The following FTO variants were observed in gnomAD, a reference collection of about 807,000 sequenced individuals.
FTO encodes the protein alpha-ketoglutarate-dependent dioxygenase FTO.
In FTO, 47 loss-of-function variants were observed where a neutral mutation model predicts 63.9. The ratio of observed to expected loss-of-function variants is 0.74; its 90% CI spans 0.58 to 0.94. FTO has a LOEUF of 0.94. FTO is among the 40% of genes least tolerant of loss of function. The pLI is 0.00. For missense variants in FTO, 562 were observed against 618.1 expected (o/e 0.91, Z 0.96); for synonymous variants, 207 against 224.4 (o/e 0.92, Z 0.69).
At chr16:53,716,026 G>A (rs925861181) in intron 1 of FTO, among the ~76,000 whole-genome samples, 28 of 152,304 alleles carry the variant, frequency 1.8e-4, no homozygotes, top group African/African-American at 6.5e-4. Flanking sequence ...TAATAATGCA[G>A]TATAGTAAAT....
chr16:53,854,102 T>C (rs902052324), intron 4 of FTO, among the ~76,000 whole-genome samples: 2 of 152,232 alleles, frequency 1.3e-5, no homozygotes, highest in African/African-American at 4.8e-5. Flanking sequence ...ATATGTTTAT[T>C]GGCCATTTGT....
rs1173135505 is a variant in FTO, at chr16:54,121,800, A to T, written c.*9885A>T. On this transcript the variant is annotated 3_prime_UTR_variant, in exon 9 of 9. Coordinates refer to ENST00000471389, the MANE Select transcript of FTO (RefSeq NM_001080432.3). Reference sequence around the variant, plus strand: ...GCTGACTAAAGGGTGTCCTATTTATAAGTCAGTAAAACACAGCGGCTTCAT... The same window carrying T: ...GCTGACTAAAGGGTGTCCTATTTATTAGTCAGTAAAACACAGCGGCTTCAT... The T allele has an allele frequency of 6.6e-6, 1 of 151,966 alleles. No individual in the cohort carries two copies. Among genetic ancestry groups the T allele is most frequent in the Non-Finnish European group, 1.5e-5 (1 of 67,926 alleles). 9.4% of individuals were successfully genotyped at this position (151,966 alleles called of 1,614,324 possible). A position where few individuals can be genotyped will look rare whatever the true frequency, so the allele number is the denominator to read the frequency against.
chr16:53,865,888 T>C (rs2151862750), intron 4 of FTO, among the ~76,000 whole-genome samples: 1 of 152,332 alleles, frequency 6.6e-6, no homozygotes, highest in South Asian at 2.1e-4. Flanking sequence ...ATACCTTTTG[T>C]TTTCTTTTCC....
chr16:53,719,105 A>G (rs1419984274), intron 1 of FTO, among the ~76,000 whole-genome samples: 1 of 152,064 alleles, frequency 6.6e-6, no homozygotes, highest in East Asian at 1.9e-4. Context: ...TCTTTTGTCA[A>G]ATTTGGTATC....
chr16:53,828,160 A>C (rs1482750234), intron 3 of FTO, among the ~76,000 whole-genome samples: 1 of 152,246 alleles, frequency 6.6e-6, no homozygotes, highest in East Asian at 1.9e-4. Flanking sequence ...TTGGTACTTA[A>C]AGAGGGAACT....
intron 7 of FTO, among the ~76,000 whole-genome samples, chr16:53,908,268 A>C (rs779232163): frequency 6.6e-6 from 1 of 152,222 alleles, no homozygotes; most frequent in Non-Finnish European, 1.5e-5. Context: ...AAAATGTCCA[A>C]CCATTGCATG....
intron 8 of FTO, among the ~76,000 whole-genome samples, chr16:53,957,806 G>A (rs1227754438): frequency 1.3e-5 from 2 of 152,208 alleles, no homozygotes; most frequent in Admixed American, 6.5e-5. Flanking sequence ...ATTCATTGGA[G>A]TTGAATGTAA....
chr16:53,917,740 G>GTCCATC (rs1306078343), intron 7 of FTO, among the ~76,000 whole-genome samples: 1,748 of 147,984 alleles, frequency 0.012, 18 homozygotes, highest in South Asian at 0.029. Flanking sequence ...GTGTGTGTGT[G>GTCCATC]TGTCCATCTG....
At chr16:53,833,887 T>A (rs1289004199) in intron 3 of FTO, among the ~76,000 whole-genome samples, 1 of 152,252 alleles carries the variant, frequency 6.6e-6, no homozygotes, top group African/African-American at 2.4e-5. Flanking sequence ...TGGAGACATG[T>A]CTATTCAAGT....
At chr16:53,971,627 C>T (rs1240367849) in intron 8 of FTO, among the ~76,000 whole-genome samples, 6 of 152,226 alleles carry the variant, frequency 3.9e-5, no homozygotes. Flanking sequence ...CTCTTTATAA[C>T]AATTGATAAA....
chr16:53,914,679 G>T (rs920533528), intron 7 of FTO, among the ~76,000 whole-genome samples: 1 of 152,112 alleles, frequency 6.6e-6, no homozygotes, highest in South Asian at 2.1e-4. Flanking sequence ...GTGGAAGGAC[G>T]GCCATGGCGA....
chr16:54,074,955 TAAACTGTTTTA>T (rs2085959298), intron 8 of FTO, among the ~76,000 whole-genome samples: 1 of 149,626 alleles, frequency 6.7e-6, no homozygotes, highest in Non-Finnish European at 1.5e-5. Context: ...TGTGTGTGTG[TAAACTGTTTTA>T]GTTTGATAGT....
intron 6 of FTO, among the ~76,000 whole-genome samples, chr16:53,886,032 G>A (rs1398199189): frequency 6.6e-6 from 1 of 152,190 alleles, no homozygotes; most frequent in Non-Finnish European, 1.5e-5. Context: ...TGGGATTATA[G>A]GTCAGAGCCC....
At chr16:53,738,785 G>A (rs1222561590) in intron 1 of FTO, among the ~76,000 whole-genome samples, 2 of 152,164 alleles carry the variant, frequency 1.3e-5, no homozygotes, top group East Asian at 1.9e-4. Flanking sequence ...CCCACTGGCA[G>A]TGTATTAGAG....
intron 1 of FTO, among the ~76,000 whole-genome samples, chr16:53,780,099 A>T (rs534336748): frequency 6.6e-6 from 1 of 152,160 alleles, no homozygotes; most frequent in Non-Finnish European, 1.5e-5. Context: ...CAGTGACTTA[A>T]TGACAAACAG....
chr16:53,909,360 G>A (rs2081622056), intron 7 of FTO, among the ~76,000 whole-genome samples: 1 of 152,108 alleles, frequency 6.6e-6, no homozygotes. Context: ...AGTGGCAAAT[G>A]AGGGGGTAGA....
chr16:53,875,370 G>T (rs1274638814), intron 5 of FTO, among the ~76,000 whole-genome samples: 2 of 152,198 alleles, frequency 1.3e-5, no homozygotes, highest in African/African-American at 4.8e-5. Flanking sequence ...AAAAGCTTGG[G>T]AAATATGTTC....
At chr16:53,880,385 C>T (rs2080789745) in intron 6 of FTO, among the ~76,000 whole-genome samples, 2 of 152,164 alleles carry the variant, frequency 1.3e-5, no homozygotes, top group South Asian at 4.1e-4. Flanking sequence ...TGTTATAAGA[C>T]GTGAGACTCT....
chr16:53,789,203 A>G (rs1264556848), intron 1 of FTO, among the ~76,000 whole-genome samples: 2 of 152,330 alleles, frequency 1.3e-5, no homozygotes, highest in East Asian at 3.9e-4. Context: ...ATATAATAAC[A>G]GAGCTCTAAT....
Sources: gnomAD v4.1 joint callset for allele counts (sites outside exome capture counted in the v4.1 genomes callset) on GRCh38, gnomAD v4.1.1 for gene constraint, MANE v1.5 for transcripts, NCBI Gene and HGNC (gene_info 2026-07-23, HGNC 2026-07-21) for gene names.